The following SUMF1 variants were observed in gnomAD, a reference collection of about 807,000 sequenced individuals.
SUMF1 encodes the protein formylglycine-generating enzyme.
Under a neutral mutation model 47.6 loss-of-function variants are expected in SUMF1, and 48 were observed. The ratio of observed to expected loss-of-function variants is 1.01; its 90% CI spans 0.80 to 1.28. The LOEUF (loss-of-function observed/expected upper bound fraction) is 1.28. SUMF1 is among the 50% of genes most tolerant of loss of function. SUMF1 has a pLI of 0.00. For synonymous variants in SUMF1, 230 were observed against 192.1 expected, an observed-to-expected ratio of 1.20 and a Z score of -1.63; for missense variants, 571 against 485.4, an observed-to-expected ratio of 1.18 and a Z score of -1.66.
intron 8 of SUMF1, among the ~76,000 whole-genome samples, chr3:4,252,947 T>A (rs979976911): frequency 1.3e-5 from 2 of 152,230 alleles, no homozygotes; most frequent in African/African-American, 4.8e-5. Context: ...AACTCATTAC[T>A]CTCATCAAAC....
chr3:4,052,339 C>T (rs568714212), intron 9 of SUMF1, among the ~76,000 whole-genome samples: 4 of 152,162 alleles, frequency 2.6e-5, no homozygotes, highest in Non-Finnish European at 5.9e-5. Flanking sequence ...AGGAACTTAA[C>T]ATATAAATTT....
At chr3:4,389,659 T>C (rs948465102) in intron 7 of SUMF1, among the ~76,000 whole-genome samples, 2 of 152,234 alleles carry the variant, frequency 1.3e-5, no homozygotes, top group Non-Finnish European at 2.9e-5. Flanking sequence ...CATTTACTGT[T>C]TTCTTTCCAC....
intron 8 of SUMF1, among the ~76,000 whole-genome samples, chr3:4,251,956 A>G (rs2125011021): frequency 6.6e-6 from 1 of 152,308 alleles, no homozygotes; most frequent in East Asian, 1.9e-4. Flanking sequence ...CATAAATTCT[A>G]TATGCACGGG....
At chr3:4,352,040 T>C (rs1345308074) in intron 8 of SUMF1, among the ~76,000 whole-genome samples, 1 of 152,148 alleles carries the variant, frequency 6.6e-6, no homozygotes, top group Admixed American at 6.5e-5. Context: ...TCTTAACCAC[T>C]AATCCATTCC....
intron 7 of SUMF1, among the ~76,000 whole-genome samples, chr3:4,384,449 C>T (rs1338275813): frequency 6.6e-6 from 1 of 152,186 alleles, no homozygotes; most frequent in East Asian, 1.9e-4. Flanking sequence ...CCTTACGTTG[C>T]CCTTTTATAG....
intron 1 of SUMF1, among the ~76,000 whole-genome samples, chr3:4,456,231 A>AT: frequency 2.0e-5 from 3 of 152,314 alleles, no homozygotes; most frequent in Admixed American, 2.0e-4. Context: ...CATGAGTCAT[A>AT]TATGAAAAGC....
At chr3:4,205,649 C>T (rs1263825525) in intron 8 of SUMF1, among the ~76,000 whole-genome samples, 1 of 152,186 alleles carries the variant, frequency 6.6e-6, no homozygotes, top group Admixed American at 6.5e-5. Context: ...GGGGGCAACC[C>T]AAGTCCAGTA....
chr3:4,230,761 C>A (rs776400160), intron 8 of SUMF1, among the ~76,000 whole-genome samples: 4 of 152,096 alleles, frequency 2.6e-5, no homozygotes, highest in Non-Finnish European at 4.4e-5. Flanking sequence ...GACCAGCCCC[C>A]ATTCTGAAGC....
At chr3:4,129,569 G>A (rs543035542) in intron 8 of SUMF1, among the ~76,000 whole-genome samples, 25 of 152,178 alleles carry the variant, frequency 1.6e-4, no homozygotes, top group African/African-American at 4.8e-4. Context: ...AGGGGAGGCC[G>A]GGTTCTCTTA....
In SUMF1 at chr3:4,278,509, A is replaced by G. The variant is rs149202592; in HGVS notation, c.1014+97821T>C. ...TGCTTAATTCTGAGCAAAATTTTAA[A>G]AAGAACATCCTAAGCTTGCTAAACT... On this transcript the variant is annotated intron_variant and NMD_transcript_variant, in intron 8 of 12. Transcript: ENST00000448413. 3.1e-3 allele frequency among the ~76,000 whole-genome samples: 471 copies of G among 152,264 alleles called. 3 individuals are homozygous for G. Among genetic ancestry groups the G allele is most frequent in the Middle Eastern group, 0.014 (4 of 294 alleles).
chr3:4,324,140 T>A (rs1698894388), intron 8 of SUMF1, among the ~76,000 whole-genome samples: 2 of 152,134 alleles, frequency 1.3e-5, no homozygotes, highest in Admixed American at 1.3e-4. Context: ...CATTAGAATG[T>A]TTGAACATGA....
intron 8 of SUMF1, among the ~76,000 whole-genome samples, chr3:4,073,374 C>CAA (rs1692333155): frequency 1.3e-5 from 2 of 152,110 alleles, no homozygotes; most frequent in African/African-American, 4.8e-5. Flanking sequence ...CCAGCCACTG[C>CAA]AAAAACATGC....
intron 8 of SUMF1, among the ~76,000 whole-genome samples, chr3:4,282,274 G>C (rs1400993327): frequency 6.6e-6 from 1 of 152,076 alleles, no homozygotes; most frequent in Non-Finnish European, 1.5e-5. Flanking sequence ...ATGAATACAA[G>C]GGAAAAAGCT....
intron 8 of SUMF1, among the ~76,000 whole-genome samples, chr3:4,268,348 G>A (rs1697239506): frequency 6.6e-6 from 1 of 152,044 alleles, no homozygotes; most frequent in African/African-American, 2.4e-5. Context: ...ACAAGTTAGT[G>A]GGTGCAGCGC....
At chr3:4,306,243 C>T (rs567394920) in intron 8 of SUMF1, among the ~76,000 whole-genome samples, 4 of 151,922 alleles carry the variant, frequency 2.6e-5, no homozygotes, top group Non-Finnish European at 5.9e-5. Flanking sequence ...ACTATGTGCC[C>T]GACGTATTTT....
chr3:4,184,038 A>C (rs887705238), intron 8 of SUMF1, among the ~76,000 whole-genome samples: 2 of 151,940 alleles, frequency 1.3e-5, no homozygotes, highest in South Asian at 4.2e-4. Flanking sequence ...GGGAGGCTGA[A>C]GTATGAGAAT....
At chr3:4,228,556 C>T (rs1429779282) in intron 8 of SUMF1, among the ~76,000 whole-genome samples, 4 of 152,132 alleles carry the variant, frequency 2.6e-5, no homozygotes, top group South Asian at 2.1e-4. Flanking sequence ...CACCTTTATG[C>T]GGCTCTGCTT....
chr3:4,062,910 T>C (rs1695299226), intron 9 of SUMF1, among the ~76,000 whole-genome samples: 1 of 152,112 alleles, frequency 6.6e-6, no homozygotes, highest in Non-Finnish European at 1.5e-5. Context: ...AGGAGTTTTG[T>C]CTCTGGATGG....
At chr3:4,313,003 T>A (rs1301448039) in intron 8 of SUMF1, 2 of 1,613,918 alleles carry the variant, frequency 1.2e-6, no homozygotes, top group African/African-American at 2.7e-5. Context: ...TGGCACTTGC[T>A]CCTGTCTCCG....
Sources: gnomAD v4.1 joint callset for allele counts (sites outside exome capture counted in the v4.1 genomes callset) on GRCh38, gnomAD v4.1.1 for gene constraint, MANE v1.5 for transcripts, NCBI Gene and HGNC (gene_info 2026-07-23, HGNC 2026-07-21) for gene names.